The following MZF1 variants were observed in gnomAD, a reference collection of about 807,000 sequenced individuals.
The protein encoded by MZF1 is myeloid zinc finger 1.
Under a neutral mutation model 28.6 loss-of-function variants are expected in MZF1, and 24 were observed. The ratio of observed to expected loss-of-function variants is 0.84; its 90% CI spans 0.61 to 1.18. MZF1 has a LOEUF of 1.18. Ranked by LOEUF, MZF1 falls within the 50% of genes most tolerant of loss-of-function variation. MZF1 has a pLI of 0.00. For synonymous variants in MZF1, 516 were observed against 432.5 expected (o/e 1.19, Z -2.40); for missense variants, 1,166 against 1,026.4 (o/e 1.14, Z -1.86).
intron 5 of MZF1, chr19:58,564,623 AT>A (rs2054003292): frequency 6.6e-6 from 1 of 152,260 alleles, no homozygotes; most frequent in Admixed American, 6.5e-5. Context: ...GCTGGTAAGC[AT>A]AAATGGGAAG....
intron 1 of MZF1, chr19:58,572,740 A>T: frequency 1.4e-6 from 1 of 721,424 alleles, no homozygotes; most frequent in Non-Finnish European, 2.1e-6. Context: ...CTTGGGTCAT[A>T]GCCAAGATGG....
rs767451587 is a variant in MZF1, at chr19:58,562,414, G to T, written c.1863C>A (p.Gly621=). ...KLTRHQRTHT[G]EKPYHCGECG... is the part of the protein sequence containing the mutation. Reference sequence around the variant, plus strand: ...ACTCACCGCAGTGGTAGGGCTTTTCGCCGGTGTGTGTCCTCTGATGACGCG... The same window carrying T: ...ACTCACCGCAGTGGTAGGGCTTTTCTCCGGTGTGTGTCCTCTGATGACGCG... The change falls in exon 6 of 6, where the codon GGC becomes GGA. Residue 621 remains glycine (G), a synonymous_variant. Coordinates refer to ENST00000215057, the MANE Select transcript of MZF1 (RefSeq NM_198055.2). The T allele has an allele frequency of 2.5e-6, 4 of 1,609,658 alleles. No homozygotes were observed. In the African/African-American group the frequency reaches 5.3e-5, roughly 22 times the overall value.
rs1210087551 is a variant in MZF1 at position 58,563,457 on chromosome 19, T to G, written c.820A>C (p.Ser274Arg). 8 of 1,578,164 alleles carry G rather than the reference T, an allele frequency of 5.1e-6. No individual in the cohort carries two copies. Among genetic ancestry groups the G allele is most frequent in the Non-Finnish European group, 6.9e-6 (8 of 1,161,750 alleles). ...GSISAGPGSVSPHLHVPWDLG... is the reference protein window; with the variant it reads ...GSISAGPGSVRPHLHVPWDLG... ...TCCCAGGGGACGTGGAGGTGAGGGC[T>G]TACACTACCTGGACCTGCGGAGATG... The change falls in exon 6 of 6, where the codon AGC becomes CGC. Residue 274 changes from serine (S) to arginine (R), a missense_variant. Transcript: ENST00000215057.
intron 5 of MZF1, among the ~76,000 whole-genome samples, chr19:58,565,198 G>A (rs978204807): frequency 6.6e-6 from 1 of 151,414 alleles, no homozygotes; most frequent in Non-Finnish European, 1.5e-5. Flanking sequence ...GGGTTCAAGC[G>A]GTTCTTCTGC....
intron 5 of MZF1, among the ~76,000 whole-genome samples, chr19:58,566,729 C>T (rs2054064524): frequency 1.3e-5 from 2 of 152,016 alleles, no homozygotes; most frequent in Non-Finnish European, 2.9e-5. Flanking sequence ...ATTGCAGCTA[C>T]TTGGAAAGCT....
chr19:58,569,923 G>A, intron 3 of MZF1: 1 of 319,832 alleles, frequency 3.1e-6, no homozygotes, highest in Non-Finnish European at 5.8e-6. Context: ...TAGTTCAGGT[G>A]CCCTGCCTGG....
intron 1 of MZF1, chr19:58,572,833 G>C: frequency 3.1e-6 from 1 of 326,840 alleles, no homozygotes; most frequent in South Asian, 2.2e-5. Flanking sequence ...GGTAGGTCCA[G>C]ACGACGCCTA....
chr19:58,571,460 A>G (rs2054162553), intron 1 of MZF1, 31 bp from the exon 2 acceptor site: 4 of 1,574,974 alleles, frequency 2.5e-6, no homozygotes, highest in Non-Finnish European at 3.5e-6. Context: ...GGCTGTTGCA[A>G]AAGGAGTACA....
rs753404048 is a variant in MZF1, at chr19:58,570,368, C to A, written c.556G>T (p.Glu186Ter). The A allele has an allele frequency of 5.6e-6, 9 of 1,613,222 alleles. No homozygotes were observed. Among genetic ancestry groups the A allele is most frequent in the Non-Finnish European group, 7.6e-6 (9 of 1,179,356 alleles). Residue 186 changes from glutamate (E) to a stop codon, truncating the protein, a stop_gained, in exon 3 of 6, where the codon GAG (glutamate) becomes TAG (stop). Coordinates refer to ENST00000215057, the MANE Select transcript of MZF1 (RefSeq NM_198055.2). LOFTEE classifies it high-confidence loss of function. ...ESPLGLQVKE[E>*]SEVTEDSDFL... ...CCTGAGTCCTCTGTAACCTCTGACT[C>A]CTCTTTCACCTGCAGGCCCAGTGGT...
intron 5 of MZF1, chr19:58,568,325 T>TA (rs1471160134): frequency 6.8e-6 from 1 of 146,568 alleles, no homozygotes; most frequent in Non-Finnish European, 1.5e-5. Flanking sequence ...TCCAGGAAAA[T>TA]AGAGTAGAAA....
chr19:58,567,344 C>G (rs2054077655), intron 5 of MZF1, among the ~76,000 whole-genome samples: 1 of 152,242 alleles, frequency 6.6e-6, no homozygotes, highest in Non-Finnish European at 1.5e-5. Flanking sequence ...TGGGCTCTGT[C>G]TGCACAGAAT....
intron 5 of MZF1, among the ~76,000 whole-genome samples, chr19:58,565,928 CAGG>C (rs2054046297): frequency 1.4e-5 from 2 of 145,720 alleles, no homozygotes; most frequent in Admixed American, 6.8e-5. Context: ...ATCACGAGGT[CAGG>C]AGATCGAGAC....
At chr19:58,567,505 C>T (rs896201365) in intron 5 of MZF1, among the ~76,000 whole-genome samples, 2 of 152,206 alleles carry the variant, frequency 1.3e-5, no homozygotes, top group African/African-American at 4.8e-5. Context: ...TAATCTCTTT[C>T]CCAAGGATGC....
At chr19:58,570,830 G>A (rs2054146002) in intron 2 of MZF1, 164 bp downstream of exon 2, 1 of 760,312 alleles carries the variant, frequency 1.3e-6, no homozygotes. Flanking sequence ...GTCTGGCCCT[G>A]GAATCCCTCT....
rs1490283124 is a variant in MZF1 at position 58,563,333 on chromosome 19, T to C, written c.944A>G (p.Gln315Arg). The C allele has an allele frequency of 7.5e-6, 12 of 1,608,988 alleles. No homozygotes were observed. The South Asian group carries it at 1.1e-4, about 15-fold the overall frequency. Residue 315 changes from glutamine to arginine, a missense_variant, in exon 6 of 6, where the codon CAG (glutamine) becomes CGG (arginine). Gln to Arg is a conservative substitution (Grantham distance 43). Coordinates refer to ENST00000215057, the MANE Select transcript of MZF1 (RefSeq NM_198055.2). Reference sequence around the variant, plus strand: ...GCAGGGATCCTCGTCCGTGGGGTCCTGTTCACTCCTCAGATCGCTGGGGAG... The same window carrying C: ...GCAGGGATCCTCGTCCGTGGGGTCCCGTTCACTCCTCAGATCGCTGGGGAG... ...LLLPSDLRSE[Q>R]DPTDEDPCRG...
At position 58,564,898 on chromosome 19, in the gene MZF1, G is replaced by GTTT. The variant is rs1600099960; in HGVS notation, c.773-1395_773-1394insAAA. ...CAGGGTGGAGAATAAGCATCCATGT[G>GTTT]TGTGTTTTTTTTTTTTTTTTTTTTT... On this transcript the variant is annotated intron_variant, in intron 5 of 5. Coordinates refer to ENST00000215057, the MANE Select transcript of MZF1 (RefSeq NM_198055.2). Among the ~76,000 whole-genome samples the GTTT allele has an allele frequency of 2.6e-4, 24 of 91,950 alleles. 3 individuals carry two copies. The highest frequency in any genetic ancestry group is 1.1e-3 in the African/African-American group (21 of 18,950). The allele number at this position is 91,950 out of a possible 152,430, so 60.3% of individuals were successfully genotyped here. A position where few individuals can be genotyped will look rare whatever the true frequency, so the allele number is the denominator to read the frequency against.
At chr19:58,570,178 G>C in intron 3 of MZF1, 166 bp downstream of exon 3, 1 of 675,894 alleles carries the variant, frequency 1.5e-6, no homozygotes, top group Admixed American at 3.1e-5. Context: ...AGCACTGGCT[G>C]CGGTGGAGGG....
Position 58,562,242 on chromosome 19 carries a change from G to A in MZF1, c.2035C>T (p.Arg679Trp). 1 of 1,605,050 alleles carries A rather than the reference G, an allele frequency of 6.2e-7. No individual in the cohort carries two copies. The highest frequency in any genetic ancestry group is 1.3e-5 in the African/African-American group (1 of 74,238). ...CCACACTCAGGGCATGCGTAGGGCC[G>A]TTCACCCGTGTGGATGCGCCGGTGC... The part of the protein sequence containing the change: ...TQHRRIHTGE[R>W]PYACPECGKA... The change falls in exon 6 of 6, where the codon CGG becomes TGG. Residue 679 changes from arginine to tryptophan, a missense_variant. Coordinates refer to ENST00000215057, the MANE Select transcript of MZF1 (RefSeq NM_198055.2).
chr19:58,563,473 T>A lies in MZF1; in HGVS notation c.804A>T (p.Ala268=). 4 of 1,562,800 alleles carry A rather than the reference T, an allele frequency of 2.6e-6. No homozygotes were observed. Among genetic ancestry groups the A allele is most frequent in the Non-Finnish European group, 3.5e-6 (4 of 1,151,942 alleles). ...GGTGAGGGCTTACACTACCTGGACC[T>A]GCGGAGATGCTGCCTAGCTGCAGCG... The part of the protein sequence containing the change: ...GFALQLGSIS[A]GPGSVSPHLH... The change falls in exon 6 of 6, where the codon GCA becomes GCT. Residue 268 remains alanine (A), a synonymous_variant. Transcript: ENST00000215057.
Sources: gnomAD v4.1 joint callset for allele counts (sites outside exome capture counted in the v4.1 genomes callset) on GRCh38, gnomAD v4.1.1 for gene constraint, MANE v1.5 for transcripts, NCBI Gene and HGNC (gene_info 2026-07-23, HGNC 2026-07-21) for gene names.